MYO1D: variants seen among roughly 807,000 people sequenced by gnomAD.
MYO1D encodes unconventional myosin-Id.
A neutral mutation model predicts 122.0 loss-of-function variants in MYO1D; 83 were observed. That is an observed-to-expected ratio of 0.68 (90% CI 0.57 to 0.82). MYO1D has a LOEUF of 0.82. Among genes scored for constraint, MYO1D ranks in the 40% least tolerant of loss-of-function variants. MYO1D has a pLI of 0.00. For synonymous variants in MYO1D, 464 were observed against 446.9 expected, an observed-to-expected ratio of 1.04 and a Z score of -0.48; for missense variants, 1,157 against 1,269.5, an observed-to-expected ratio of 0.91 and a Z score of 1.35.
At chr17:32,609,366 C>T (rs919611602) in intron 20 of MYO1D, among the ~76,000 whole-genome samples, 11 of 152,198 alleles carry the variant, frequency 7.2e-5, no homozygotes, top group Non-Finnish European at 1.3e-4. Flanking sequence ...CAGTGCCACA[C>T]GGCCTGTGGT....
intron 1 of MYO1D, among the ~76,000 whole-genome samples, chr17:32,838,371 G>A (rs1044711033): frequency 3.9e-5 from 6 of 152,114 alleles, no homozygotes; most frequent in African/African-American, 1.4e-4. Context: ...CTTCTGGACT[G>A]TCTTTTCAGT....
chr17:32,839,828 G>A (rs1049328172), intron 1 of MYO1D, among the ~76,000 whole-genome samples: 7 of 152,116 alleles, frequency 4.6e-5, no homozygotes, highest in East Asian at 1.9e-4. Context: ...ATTTTGCAAC[G>A]TGAATAGTGA....
chr17:32,642,148 T>C (rs1008682572), intron 19 of MYO1D, among the ~76,000 whole-genome samples: 45 of 152,280 alleles, frequency 3.0e-4, no homozygotes, highest in African/African-American at 1.1e-3. Context: ...TTTCTACATA[T>C]GGCTAGCCAG....
chr17:32,719,929 A>G lies in MYO1D; in HGVS notation c.1913+1094T>C, dbSNP rs900198724. Among the ~76,000 whole-genome samples the G allele has an allele frequency of 1.5e-4, 23 of 152,186 alleles. 1 individual carries two copies. In the Middle Eastern group the frequency reaches 0.027, roughly 180 times the overall value. Reference sequence around the variant, plus strand: ...CTAAAATGCCTCACTTACTACCACAATAGAGCCTTTTCCCTGGCTGTTCCC... The same window carrying G: ...CTAAAATGCCTCACTTACTACCACAGTAGAGCCTTTTCCCTGGCTGTTCCC... On this transcript the variant is annotated intron_variant, in intron 15 of 21. Transcript: ENST00000318217.
At chr17:32,816,627 T>C (rs1246898681) in intron 1 of MYO1D, among the ~76,000 whole-genome samples, 1 of 152,178 alleles carries the variant, frequency 6.6e-6, no homozygotes, top group Non-Finnish European at 1.5e-5. Flanking sequence ...GAAAAAACAT[T>C]TGCATATAAT....
intron 21 of MYO1D, among the ~76,000 whole-genome samples, chr17:32,575,564 A>G (rs2087271017): frequency 6.6e-6 from 1 of 152,220 alleles, no homozygotes; most frequent in South Asian, 2.1e-4. Flanking sequence ...TCTTAGTCCT[A>G]TCAGATGCAT....
chr17:32,557,578 G>A (rs898445225), intron 21 of MYO1D, among the ~76,000 whole-genome samples: 1 of 151,766 alleles, frequency 6.6e-6, no homozygotes, highest in African/African-American at 2.4e-5. Flanking sequence ...GGTCACTTCA[G>A]TCTCAACCTC....
At chr17:32,864,548 GAAAAAAAA>G (rs200717040) in intron 1 of MYO1D, among the ~76,000 whole-genome samples, 1 of 73,028 alleles carries the variant, frequency 1.4e-5, no homozygotes, top group Non-Finnish European at 2.6e-5. Context: ...TTCTACGAAT[GAAAAAAAA>G]AAAAAAAAAA....
intron 16 of MYO1D, among the ~76,000 whole-genome samples, chr17:32,683,897 A>G (rs1369338863): frequency 6.6e-6 from 1 of 151,796 alleles, no homozygotes; most frequent in Non-Finnish European, 1.5e-5. Flanking sequence ...GCAATCAGCG[A>G]GACTCCGTGG....
intron 14 of MYO1D, among the ~76,000 whole-genome samples, chr17:32,732,119 A>G (rs1240694331): frequency 6.6e-6 from 1 of 152,222 alleles, no homozygotes; most frequent in Non-Finnish European, 1.5e-5. Context: ...CAAAGAGCAC[A>G]GCGGAAGGCC....
intron 14 of MYO1D, among the ~76,000 whole-genome samples, chr17:32,727,388 A>G (rs2089589640): frequency 6.6e-6 from 1 of 152,234 alleles, no homozygotes; most frequent in Admixed American, 6.5e-5. Flanking sequence ...GACAGACCTA[A>G]TACAGGAGTC....
In MYO1D at chr17:32,867,912, TAAAAAAAAAAC is replaced by T. The variant is rs536298419; in HGVS notation, c.95+8855_95+8865del. Among the ~76,000 whole-genome samples, 134 of 139,886 alleles carry T rather than the reference TAAAAAAAAAAC, an allele frequency of 9.6e-4. No homozygotes were observed. In the East Asian group the frequency reaches 0.019, roughly 20 times the overall value. The allele number at this position is 139,886 out of a possible 152,430, so 91.8% of individuals were successfully genotyped here. The stretch of plus-strand genomic sequence containing the variant: ...ATAATGAGGAAATTGGTTATAGATT[TAAAAAAAAAAC>T]AAAAAAAAAACTCTAGACTTAAAGT... On this transcript the variant is annotated intron_variant, in intron 1 of 21. Transcript: ENST00000318217.
At chr17:32,687,606 G>A (rs1270571002) in intron 16 of MYO1D, among the ~76,000 whole-genome samples, 7 of 152,184 alleles carry the variant, frequency 4.6e-5, no homozygotes, top group Non-Finnish European at 1.5e-5. Context: ...GTCTCCCAAA[G>A]TGCTGGGATT....
chr17:32,875,824 C>G (rs2470215), intron 1 of MYO1D, among the ~76,000 whole-genome samples: 88,267 of 152,000 alleles, frequency 0.58, 25,810 homozygotes, highest in Admixed American at 0.67. Context: ...AGAAGAAATG[C>G]AGCCAAAGCT....
chr17:32,523,095 G>T (rs137869697), intron 21 of MYO1D, among the ~76,000 whole-genome samples: 1 of 152,332 alleles, frequency 6.6e-6, no homozygotes, highest in Admixed American at 6.5e-5. Flanking sequence ...GATTACAGGC[G>T]TGAGCAACCA....
At position 32,771,129 on chromosome 17, in the gene MYO1D, A is replaced by G; in HGVS notation, c.710T>C (p.Leu237Ser). Reference sequence around the variant, plus strand: ...TCTCAAAGAGGAAATTCTCACCTTTAATTGAGCTCCCACATGAATATAGTT... The same window carrying G: ...TCTCAAAGAGGAAATTCTCACCTTTGATTGAGCTCCCACATGAATATAGTT... The part of the protein sequence containing the change: ...SYNYIHVGAQ[L>S]KSSINDAAEF... The change falls in exon 6 of 22, where the codon TTA becomes TCA. Residue 237 changes from leucine (L) to serine (S), a missense_variant. Physicochemically the swap from Leu to Ser is moderately radical, Grantham distance 145. Coordinates refer to ENST00000318217, the MANE Select transcript of MYO1D (RefSeq NM_015194.3). The G allele has an allele frequency of 6.3e-7, 1 of 1,594,430 alleles. No homozygotes were observed. Among genetic ancestry groups the G allele is most frequent in the Non-Finnish European group, 8.6e-7 (1 of 1,162,544 alleles).
chr17:32,668,634 C>T (rs1336959625), intron 16 of MYO1D, among the ~76,000 whole-genome samples: 1 of 152,134 alleles, frequency 6.6e-6, no homozygotes, highest in Non-Finnish European at 1.5e-5. Flanking sequence ...GGAAAAGCTA[C>T]ATACTGCAAT....
At chr17:32,608,318 A>G (rs2087655157) in intron 20 of MYO1D, among the ~76,000 whole-genome samples, 1 of 152,208 alleles carries the variant, frequency 6.6e-6, no homozygotes, top group Non-Finnish European at 1.5e-5. Context: ...TGATGGATAA[A>G]AGATTTGAAA....
At chr17:32,566,084 C>T (rs1022206650) in intron 21 of MYO1D, among the ~76,000 whole-genome samples, 1 of 152,098 alleles carries the variant, frequency 6.6e-6, no homozygotes, top group Admixed American at 6.5e-5. Flanking sequence ...CCATCTACAG[C>T]TTCCTATATA....
Sources: allele counts gnomAD v4.1 joint callset (sites outside exome capture counted in the v4.1 genomes callset), GRCh38; gene constraint gnomAD v4.1.1; transcripts MANE v1.5; gene names NCBI Gene and HGNC (gene_info 2026-07-23, HGNC 2026-07-21).